The following PACS2 variants were observed in gnomAD, a reference collection of about 807,000 sequenced individuals.
PACS2 encodes the protein phosphofurin acidic cluster sorting protein 2, also known as PACS1-like protein.
A neutral mutation model predicts 113.0 loss-of-function variants in PACS2; 36 were observed. The observed-to-expected ratio is 0.32, with a 90% CI of 0.24 to 0.42. The LOEUF (loss-of-function observed/expected upper bound fraction) is 0.42. Ranked by LOEUF, PACS2 falls within the 10% of genes least tolerant of loss-of-function variation. The pLI is 1.00. For synonymous variants in PACS2, 589 were observed against 536.1 expected, an observed-to-expected ratio of 1.10 and a Z score of -1.36; for missense variants, 1,015 against 1,239.5, an observed-to-expected ratio of 0.82 and a Z score of 2.72.
At position 105,365,996 on chromosome 14, in the gene PACS2, C is replaced by T. The variant is rs192346333; in HGVS notation, c.424-1217C>T. Among the ~76,000 whole-genome samples, 1 of 152,372 alleles carries T rather than the reference C, an allele frequency of 6.6e-6. No individual in the cohort carries two copies. The highest frequency in any genetic ancestry group is 1.9e-4 in the East Asian group (1 of 5,194). On this transcript the variant is annotated intron_variant, in intron 4 of 24. Coordinates refer to ENST00000447393, the MANE Select transcript of PACS2 (RefSeq NM_001100913.3). The surrounding 1 kb of genome is among the most constrained non-coding windows in gnomAD (Gnocchi z 5.1). ...ATGAGGGCAAATGTAAACTTTTAAA[C>T]ATTTTTTTACCTTGATTAATTGAAG...
upstream of PACS2, among the ~76,000 whole-genome samples, chr14:105,314,178 CA>C (rs1389410702): frequency 6.6e-6 from 1 of 152,068 alleles, no homozygotes; most frequent in Admixed American, 6.5e-5. Flanking sequence ...GGAACCCACG[CA>C]GGGGGGCGCG....
At chr14:105,328,551 C>G (rs775797961) in intron 1 of PACS2, among the ~76,000 whole-genome samples, 1 of 152,280 alleles carries the variant, frequency 6.6e-6, no homozygotes, top group African/African-American at 2.4e-5. Flanking sequence ...GCTCTGGGCT[C>G]GCCATCCTTG....
At chr14:105,320,411 C>G (rs929771468) in intron 1 of PACS2, among the ~76,000 whole-genome samples, 48 of 152,158 alleles carry the variant, frequency 3.2e-4, no homozygotes, top group African/African-American at 1.1e-3. Context: ...GCTCTTTTGC[C>G]TAGGCTGGAG....
Position 105,355,325 on chromosome 14 carries a change from G to T in PACS2, c.423+148G>T, listed in dbSNP as rs1423228266. 1.9e-5 allele frequency: 18 copies of T among 955,368 alleles called. No homozygotes were observed. Among genetic ancestry groups the T allele is most frequent in the Non-Finnish European group, 2.7e-5 (18 of 663,984 alleles). 59.2% of individuals were successfully genotyped at this position (955,368 alleles called of 1,614,324 possible). On this transcript the variant is annotated intron_variant, in intron 4 of 24. Coordinates refer to ENST00000447393, the MANE Select transcript of PACS2 (RefSeq NM_001100913.3). The surrounding 1 kb of genome is among the most constrained non-coding windows in gnomAD (Gnocchi z 4.1). ...AGAGGAGCCTGGGCGGCCGGGCTCC[G>T]CCATAAGGGCCAGGTGCGGCCCCAG...
At chr14:105,351,174 G>A (rs1555403917) in intron 2 of PACS2, among the ~76,000 whole-genome samples, 1 of 152,254 alleles carries the variant, frequency 6.6e-6, no homozygotes, top group Non-Finnish European at 1.5e-5. Flanking sequence ...GGACCCCGCA[G>A]CGGCTGCTTG....
intron 1 of PACS2, among the ~76,000 whole-genome samples, chr14:105,335,449 A>G (rs1290204348): frequency 6.6e-6 from 1 of 151,832 alleles, no homozygotes; most frequent in East Asian, 1.9e-4. Context: ...CGTGGCTCTG[A>G]CGCTGTGGCC....
At chr14:105,387,693 G>A (rs2081224244) in intron 19 of PACS2, among the ~76,000 whole-genome samples, 1 of 152,234 alleles carries the variant, frequency 6.6e-6, no homozygotes, top group Admixed American at 6.5e-5. Flanking sequence ...GTGTTGTGAC[G>A]TCTCCTGCAT....
rs1311386921 is a variant in PACS2 at position 105,390,994 on chromosome 14, C to T, written c.2077-213C>T. On this transcript the variant is annotated intron_variant, in intron 20 of 24. Transcript: ENST00000447393. ...AGAGCAGTCCCTCCTGCTGAGGCCACGCACCCTGAGCACTGTCTGTCCCCA... is the reference window on the plus strand; with the variant it reads ...AGAGCAGTCCCTCCTGCTGAGGCCATGCACCCTGAGCACTGTCTGTCCCCA... 4.3e-5 allele frequency: 26 copies of T among 597,904 alleles called. No homozygotes were observed. In the East Asian group the frequency reaches 5.6e-4, roughly 13 times the overall value. The allele number at this position is 597,904 out of a possible 1,614,324, so 37.0% of individuals were successfully genotyped here.
rs1282477918 is a variant in PACS2 at position 105,315,490 on chromosome 14, T to C, written c.119+453T>C. ...GCACGGGGCGCGCAGGACTCGGTTG[T>C]ATCCTCCGTCCAGCGCGCGGTGGAG... is the stretch of plus-strand genomic sequence containing the variant. On this transcript the variant is annotated intron_variant, in intron 1 of 24. Coordinates refer to ENST00000447393, the MANE Select transcript of PACS2 (RefSeq NM_001100913.3). This position sits in a 1 kb window ranked among gnomAD's most constrained non-coding sequence, Gnocchi z 4.4. 1 of 152,264 alleles carries C rather than the reference T, an allele frequency of 6.6e-6. No individual in the cohort carries two copies. Among genetic ancestry groups the C allele is most frequent in the Non-Finnish European group, 1.5e-5 (1 of 68,064 alleles). The allele number at this position is 152,264 out of a possible 1,614,324, so 9.4% of individuals were successfully genotyped here.
chr14:105,353,809 G>A (rs2060327235), intron 3 of PACS2, among the ~76,000 whole-genome samples: 1 of 152,130 alleles, frequency 6.6e-6, no homozygotes, highest in Non-Finnish European at 1.5e-5. Context: ...GGCCAGGCTG[G>A]TCTCGAACTC....
intron 2 of PACS2, among the ~76,000 whole-genome samples, chr14:105,350,744 C>T (rs1555403783): frequency 6.6e-6 from 1 of 152,238 alleles, no homozygotes; most frequent in African/African-American, 2.4e-5. Flanking sequence ...ACAGCTGGGT[C>T]CCTGCAGGTC....
intron 1 of PACS2, among the ~76,000 whole-genome samples, chr14:105,333,095 T>TGAGA (rs113817359): frequency 0.062 from 9,403 of 151,756 alleles, 1,007 homozygotes; most frequent in African/African-American, 0.21. Flanking sequence ...GGCGTGGGTG[T>TGAGA]GAGAGAGAGA....
At chr14:105,360,756 G>C (rs2060651750) in intron 4 of PACS2, among the ~76,000 whole-genome samples, 1 of 152,092 alleles carries the variant, frequency 6.6e-6, no homozygotes, top group South Asian at 2.1e-4. Context: ...ATAGTTCCCT[G>C]TCGCATGCGG....
intron 1 of PACS2, among the ~76,000 whole-genome samples, chr14:105,320,662 A>G (rs2058849390): frequency 6.6e-6 from 1 of 152,094 alleles, no homozygotes; most frequent in Non-Finnish European, 1.5e-5. Flanking sequence ...GGTTTAGATG[A>G]TAGTATCTTG....
In PACS2 at chr14:105,383,351, G is replaced by T; in HGVS notation, c.1626-8G>T. 1 of 1,605,866 alleles carries T rather than the reference G, an allele frequency of 6.2e-7. No individual in the cohort carries two copies. ...CCCCTCTCCGTCCCACCTGCCTCTG[G>T]ATTGCAGCTGCAACTGCAATTCCCA... On this transcript the variant is annotated splice_polypyrimidine_tract_variant and splice_region_variant and intron_variant, in intron 15 of 24. Coordinates refer to ENST00000447393, the MANE Select transcript of PACS2 (RefSeq NM_001100913.3).
chr14:105,346,389 T>C (rs1312036391), intron 1 of PACS2, among the ~76,000 whole-genome samples: 1 of 151,928 alleles, frequency 6.6e-6, no homozygotes, highest in Non-Finnish European at 1.5e-5. Context: ...TTGGTGACTT[T>C]GATGGCTGTC....
In PACS2 at chr14:105,304,360, C is replaced by T. The variant is rs587700119; in HGVS notation, c.-83+3381C>T. On this transcript the variant is annotated intron_variant, in intron 1 of 23. Coordinates refer to the PACS2 transcript ENST00000430725. Reference sequence around the variant, plus strand: ...AAAAATTAGCAGGTGTGATGGTGGGCGCCTGTAGTTCCAGCTACTCGGGAG... The same window carrying T: ...AAAAATTAGCAGGTGTGATGGTGGGTGCCTGTAGTTCCAGCTACTCGGGAG... Among the ~76,000 whole-genome samples the T allele has an allele frequency of 7.9e-5, 12 of 152,046 alleles. No individual in the cohort carries two copies. In the South Asian group the frequency reaches 1.0e-3, roughly 13 times the overall value.
intron 4 of PACS2, among the ~76,000 whole-genome samples, chr14:105,364,269 C>T (rs1360156084): frequency 2.7e-5 from 4 of 149,028 alleles, no homozygotes; most frequent in Non-Finnish European, 5.9e-5. Context: ...GGCTGCAGCC[C>T]GGGTGCGCGG....
At position 105,327,974 on chromosome 14, in the gene PACS2, C is replaced by T. The variant is rs1294514204; in HGVS notation, c.119+12937C>T. 5.9e-5 allele frequency among the ~76,000 whole-genome samples: 9 copies of T among 151,990 alleles called. No individual in the cohort carries two copies. In the East Asian group the frequency reaches 1.4e-3, roughly 23 times the overall value. ...GGCCACCCGAGGGGCCATTGACAGC[C>T]GAGCCTTGGCTCACCGGCCCAGGCC... On this transcript the variant is annotated intron_variant, in intron 1 of 24. Transcript: ENST00000447393.
Sources: gnomAD v4.1 joint callset for allele counts (sites outside exome capture counted in the v4.1 genomes callset) on GRCh38, gnomAD v4.1.1 for gene constraint, Gnocchi (gnomAD v3.1) non-coding constraint, MANE v1.5 for transcripts, NCBI Gene and HGNC (gene_info 2026-07-23, HGNC 2026-07-21) for gene names.